The following ADGRV1 variants were observed in gnomAD, a reference collection of about 807,000 sequenced individuals.
ADGRV1 encodes the protein adhesion G protein-coupled receptor V1.
A neutral mutation model predicts 596.2 loss-of-function variants in ADGRV1; 359 were observed. The ratio of observed to expected loss-of-function variants is 0.60; its 90% CI spans 0.55 to 0.66. ADGRV1 has a LOEUF of 0.66. Among genes scored for constraint, ADGRV1 ranks in the 30% least tolerant of loss-of-function variants. ADGRV1 has a pLI of 0.00. For missense variants in ADGRV1, 7,274 were observed against 7,575.6 expected, an observed-to-expected ratio of 0.96 and a Z score of 1.48; for synonymous variants, 2,681 against 2,679.2, an observed-to-expected ratio of 1.00 and a Z score of -0.02.
intron 87 of ADGRV1, among the ~76,000 whole-genome samples, chr5:91,115,258 C>T (rs1582102936): frequency 1.3e-5 from 2 of 152,166 alleles, no homozygotes; most frequent in East Asian, 3.8e-4. Context: ...ATCTGATATA[C>T]ACTACTCCAT....
intron 87 of ADGRV1, among the ~76,000 whole-genome samples, chr5:91,144,224 A>G (rs372124877): frequency 6.6e-6 from 1 of 152,214 alleles, no homozygotes; most frequent in Non-Finnish European, 1.5e-5. Flanking sequence ...TTCTGCAGCC[A>G]GCATCTCCGC....
chr5:91,032,728 T>A (rs2151233997), intron 85 of ADGRV1, among the ~76,000 whole-genome samples: 1 of 152,284 alleles, frequency 6.6e-6, no homozygotes, highest in East Asian at 1.9e-4. Flanking sequence ...AAATGTTACT[T>A]TATATTAGTG....
chr5:90,953,195 AAG>A (rs1384195434), intron 83 of ADGRV1, among the ~76,000 whole-genome samples: 1 of 152,178 alleles, frequency 6.6e-6, no homozygotes, highest in African/African-American at 2.4e-5. Flanking sequence ...GAATAGCAAA[AAG>A]AGAACTGAGC....
rs563904939 is a variant in ADGRV1, at chr5:90,974,545, A to G, written c.17973+9014A>G. Among the ~76,000 whole-genome samples, 11 of 152,216 alleles carry G rather than the reference A, an allele frequency of 7.2e-5. No individual in the cohort carries two copies. In the East Asian group the frequency reaches 1.9e-3, roughly 27 times the overall value. ...GAACAGAGCCCTCAGAAATAATACC[A>G]CACGTCTACAACCATCTGATCTTTG... On this transcript the variant is annotated intron_variant, in intron 84 of 89. Transcript: ENST00000405460.
At chr5:90,852,931 C>T (rs1319213617) in intron 79 of ADGRV1, among the ~76,000 whole-genome samples, 1 of 152,170 alleles carries the variant, frequency 6.6e-6, no homozygotes, top group Non-Finnish European at 1.5e-5. Flanking sequence ...CTTTTCTCAA[C>T]CTATTCCAGC....
At chr5:91,086,017 ATTC>A (rs1318637432) in intron 86 of ADGRV1, among the ~76,000 whole-genome samples, 1 of 152,070 alleles carries the variant, frequency 6.6e-6, no homozygotes, top group Non-Finnish European at 1.5e-5. Flanking sequence ...ATATCCTTCA[ATTC>A]TTCTGTAGAA....
chr5:90,587,371 G>T (rs1758892894), intron 1 of ADGRV1, among the ~76,000 whole-genome samples: 2 of 151,970 alleles, frequency 1.3e-5, no homozygotes, highest in South Asian at 4.1e-4. Flanking sequence ...GGGCCCTTAT[G>T]ATCCTTATTG....
chr5:90,981,693 G>A (rs1048840039), intron 84 of ADGRV1, among the ~76,000 whole-genome samples: 4 of 152,068 alleles, frequency 2.6e-5, no homozygotes, highest in Admixed American at 6.6e-5. Context: ...CCCTGAACTG[G>A]AATAAGCAGG....
At chr5:91,160,948 A>G (rs534945279) in intron 89 of ADGRV1, among the ~76,000 whole-genome samples, 1 of 152,330 alleles carries the variant, frequency 6.6e-6, no homozygotes, top group East Asian at 1.9e-4. Flanking sequence ...GTTGCTAAAC[A>G]AGCTCAGCAT....
chr5:91,084,418 G>A (rs1188031570), intron 86 of ADGRV1, among the ~76,000 whole-genome samples: 1 of 152,126 alleles, frequency 6.6e-6, no homozygotes, highest in Non-Finnish European at 1.5e-5. Context: ...AGTGGGCAAA[G>A]GATATGAACA....
chr5:91,007,227 T>C (rs1782352323), intron 85 of ADGRV1, among the ~76,000 whole-genome samples: 1 of 152,188 alleles, frequency 6.6e-6, no homozygotes, highest in Admixed American at 6.6e-5. Flanking sequence ...TGCAAGTGAG[T>C]GGCCCTGACA....
intron 87 of ADGRV1, among the ~76,000 whole-genome samples, chr5:91,148,918 T>C (rs79787775): frequency 0.04 from 6,127 of 152,298 alleles, 327 homozygotes; most frequent in African/African-American, 0.12. Context: ...TTTTTGACTT[T>C]AAGGATTAAT....
chr5:90,704,880 G>A (rs1010662888), intron 36 of ADGRV1, among the ~76,000 whole-genome samples: 8 of 152,006 alleles, frequency 5.3e-5, no homozygotes, highest in Admixed American at 2.0e-4. Flanking sequence ...GCGCGATCTC[G>A]GTTCACTGCA....
chr5:90,797,617 C>G (rs925630699), intron 70 of ADGRV1, among the ~76,000 whole-genome samples: 2 of 152,128 alleles, frequency 1.3e-5, no homozygotes, highest in African/African-American at 4.8e-5. Flanking sequence ...CAGCTCTGGA[C>G]CAAGTGGACC....
chr5:90,731,518 C>T (rs895847311), intron 50 of ADGRV1, among the ~76,000 whole-genome samples: 1 of 152,182 alleles, frequency 6.6e-6, no homozygotes, highest in Admixed American at 6.5e-5. Context: ...AAAGCTTGAG[C>T]TATGTCTGCG....
At chr5:90,658,808 A>G (rs1007858683) in intron 21 of ADGRV1, among the ~76,000 whole-genome samples, 4 of 151,718 alleles carry the variant, frequency 2.6e-5, no homozygotes, top group African/African-American at 9.7e-5. Context: ...TGTCCTTATC[A>G]GTTCTTTCCA....
intron 83 of ADGRV1, among the ~76,000 whole-genome samples, chr5:90,920,839 T>C (rs1429129983): frequency 6.6e-6 from 1 of 152,252 alleles, no homozygotes; most frequent in Non-Finnish European, 1.5e-5. Flanking sequence ...CTCTTCTAAA[T>C]GTCATTAATT....
At chr5:90,802,125 C>T (rs528054174) in intron 70 of ADGRV1, among the ~76,000 whole-genome samples, 1 of 152,342 alleles carries the variant, frequency 6.6e-6, no homozygotes, top group Non-Finnish European at 1.5e-5. Flanking sequence ...ATCATGAACA[C>T]TGCCTGTGTG....
chr5:90,767,269 T>C (rs1341698181), intron 59 of ADGRV1, among the ~76,000 whole-genome samples: 2 of 152,226 alleles, frequency 1.3e-5, no homozygotes, highest in Non-Finnish European at 2.9e-5. Flanking sequence ...AGTCGTTTTA[T>C]AGTTTTTGCT....
Sources: gnomAD v4.1 joint callset for allele counts (sites outside exome capture counted in the v4.1 genomes callset) on GRCh38, gnomAD v4.1.1 for gene constraint, MANE v1.5 for transcripts, NCBI Gene and HGNC (gene_info 2026-07-23, HGNC 2026-07-21) for gene names.